SPTA1: variants seen among roughly 807,000 people sequenced by gnomAD.
The protein encoded by SPTA1 is spectrin alpha, erythrocytic 1, also known as spectrin alpha chain, erythrocytic 1.
A neutral mutation model predicts 324.7 loss-of-function variants in SPTA1; 177 were observed. The observed-to-expected ratio is 0.55, with a 90% CI of 0.48 to 0.62. The LOEUF (loss-of-function observed/expected upper bound fraction) is 0.62. SPTA1 is among the 20% of genes least tolerant of loss of function. SPTA1 has a pLI of 0.00. For missense variants in SPTA1, 3,162 were observed against 2,883.6 expected (o/e 1.10, Z -2.21); for synonymous variants, 1,195 against 1,041.3 (o/e 1.15, Z -2.84).
chr1:158,636,156 T>C lies in SPTA1; in HGVS notation c.5311-122A>G, dbSNP rs1651054558. On this transcript the variant is annotated intron_variant, in intron 37 of 51. Transcript: ENST00000643759. ...GATTATTTATAAACTCCACGGGACT[T>C]TGTGAGGGTCCTGAAAGTCCAGGGA... The C allele has an allele frequency of 3.9e-6, 6 of 1,538,654 alleles. No homozygotes were observed. In the South Asian group the frequency reaches 6.8e-5, roughly 17 times the overall value.
intron 24 of SPTA1, 122 bp downstream of exon 24, chr1:158,651,245 A>T (rs1652406729): frequency 1.3e-6 from 1 of 752,122 alleles, no homozygotes. Flanking sequence ...CTAATTCCAT[A>T]CTGCTGTTAC....
chr1:158,624,937 C>T (rs896960974), intron 42 of SPTA1, among the ~76,000 whole-genome samples: 4 of 152,212 alleles, frequency 2.6e-5, no homozygotes, highest in Admixed American at 2.6e-4. Flanking sequence ...AAAGGTGAGT[C>T]TTCAAAGAAA....
At chr1:158,632,506 G>A (rs1177679681) in intron 39 of SPTA1, among the ~76,000 whole-genome samples, 3 of 152,020 alleles carry the variant, frequency 2.0e-5, no homozygotes, top group Non-Finnish European at 2.9e-5. Context: ...AAAATAGAGA[G>A]ACATTTCACT....
At chr1:158,632,870 G>C (rs188840699) in intron 39 of SPTA1, among the ~76,000 whole-genome samples, 3 of 151,344 alleles carry the variant, frequency 2.0e-5, no homozygotes, top group Non-Finnish European at 1.5e-5. Flanking sequence ...ATTAAAATCT[G>C]TGCATGAATA....
chr1:158,617,443 C>T (rs1195538265), intron 47 of SPTA1, 94 bp downstream of exon 47: 20 of 998,858 alleles, frequency 2.0e-5, no homozygotes, highest in Non-Finnish European at 2.7e-5. Context: ...GTGATACATA[C>T]CTAAAAGTAT....
At chr1:158,638,007 C>T (rs763370347) in intron 36 of SPTA1, 26 bp downstream of exon 36, 2 of 1,610,754 alleles carry the variant, frequency 1.2e-6, no homozygotes. Flanking sequence ...GTATTATCCA[C>T]ACATTTTTGA....
intron 16 of SPTA1, among the ~76,000 whole-genome samples, chr1:158,664,246 G>A (rs59907488): frequency 6.6e-6 from 1 of 152,062 alleles, no homozygotes; most frequent in Admixed American, 6.6e-5. Flanking sequence ...TACTGTAGCA[G>A]TATTTACAAT....
At chr1:158,667,240 G>A (rs372948250) in intron 15 of SPTA1, among the ~76,000 whole-genome samples, 2 of 152,108 alleles carry the variant, frequency 1.3e-5, no homozygotes, top group African/African-American at 2.4e-5. Flanking sequence ...ATAACAAGGG[G>A]CACATGAATA....
rs1651418242 is a variant in SPTA1, at chr1:158,639,973, T to G, written c.4772A>C (p.His1591Pro). The change falls in exon 34 of 52, where the codon CAT (histidine) becomes CCT (proline). Residue 1591 changes from histidine (H) to proline (P), a missense_variant. His to Pro is a moderately conservative substitution (Grantham distance 77). Transcript: ENST00000643759. ...QLEQLKEHWD[H>P]LLERTNDKGK... is the part of the protein sequence containing the mutation. ...TTTGTCATTTGTTCTCTCAAGCAGATGATCCCAATGTTCCTTCAGCTGTTC... is the reference window on the plus strand; with the variant it reads ...TTTGTCATTTGTTCTCTCAAGCAGAGGATCCCAATGTTCCTTCAGCTGTTC... 13 of 1,613,954 alleles carry G rather than the reference T, an allele frequency of 8.1e-6. No homozygotes were observed. The highest frequency in any genetic ancestry group is 1.0e-5 in the Non-Finnish European group (12 of 1,179,906).
rs1651942755 is a variant in SPTA1 at position 158,645,614 on chromosome 1, G to A, written c.3897-20C>T. On this transcript the variant is annotated intron_variant, in intron 27 of 51. Coordinates refer to ENST00000643759, the MANE Select transcript of SPTA1 (RefSeq NM_003126.4). ...AGATCCCTAGATAAACAGACACATT[G>A]GAATTGACAAGAAAACCTTGCAACT... 6.2e-7 allele frequency: 1 copy of A among 1,613,204 alleles called. No homozygotes were observed. The highest frequency in any genetic ancestry group is 1.1e-5 in the South Asian group (1 of 91,068).
At chr1:158,656,238 G>A (rs896596112) in intron 20 of SPTA1, among the ~76,000 whole-genome samples, 1 of 151,806 alleles carries the variant, frequency 6.6e-6, no homozygotes, top group African/African-American at 2.4e-5. Flanking sequence ...ACAAAAGAAG[G>A]GAGTAAAGAA....
In SPTA1 at chr1:158,677,796, T is replaced by A; in HGVS notation, c.851A>T (p.Glu284Val). ...TEAIQWIKEK[E>V]PVLTSEDYGK... ...ATAGTCCTCAGAGGTGAGTACAGGT[T>A]CCTTCTCCTTGATCCACTGGATGGC... The change falls in exon 7 of 52, where the codon GAA becomes GTA. Residue 284 changes from glutamate to valine, a missense_variant. By Grantham distance (121) the Glu-to-Val change is moderately radical. Transcript: ENST00000643759. The A allele has an allele frequency of 1.2e-6, 2 of 1,613,684 alleles. No homozygotes were observed. The highest frequency in any genetic ancestry group is 1.7e-6 in the Non-Finnish European group (2 of 1,179,732).
At chr1:158,676,000 C>A in intron 8 of SPTA1, 141 bp downstream of exon 8, 1 of 1,118,072 alleles carries the variant, frequency 8.9e-7, no homozygotes, top group Admixed American at 2.3e-5. Context: ...CCTTTGGCAA[C>A]TTAAATATTT....
chr1:158,616,991 T>G (rs1011899252), intron 47 of SPTA1, among the ~76,000 whole-genome samples: 3 of 152,048 alleles, frequency 2.0e-5, no homozygotes, highest in African/African-American at 7.2e-5. Flanking sequence ...ATTTTTTTGT[T>G]AGAAAAAAAT....
intron 15 of SPTA1, among the ~76,000 whole-genome samples, chr1:158,666,784 T>C (rs898418464): frequency 2.0e-5 from 3 of 152,202 alleles, no homozygotes; most frequent in Non-Finnish European, 4.4e-5. Context: ...GGGTGTTTCC[T>C]TATGTGATTT....
chr1:158,680,106 G>A (rs1373163441), intron 5 of SPTA1, among the ~76,000 whole-genome samples: 1 of 151,948 alleles, frequency 6.6e-6, no homozygotes, highest in Non-Finnish European at 1.5e-5. Flanking sequence ...GTAAATAAAA[G>A]TAAAACCGCT....
intron 17 of SPTA1, among the ~76,000 whole-genome samples, chr1:158,662,220 C>A (rs1330224813): frequency 6.6e-6 from 1 of 152,130 alleles, no homozygotes; most frequent in Non-Finnish European, 1.5e-5. Context: ...TTGTGTACAC[C>A]TTTTTCTCTG....
Position 158,627,738 on chromosome 1 carries a change from C to T in SPTA1, c.5566-15G>A, listed in dbSNP as rs1357558851. 1.1e-5 allele frequency: 18 copies of T among 1,608,552 alleles called. No individual in the cohort carries two copies. The highest frequency in any genetic ancestry group is 4.0e-5 in the African/African-American group (3 of 74,876). Reference sequence around the variant, plus strand: ...ATTAGCAAGCTCTGCATAAATAAGTCGGTGAGAATTAAGATATCCAAAGCC... The same window carrying T: ...ATTAGCAAGCTCTGCATAAATAAGTTGGTGAGAATTAAGATATCCAAAGCC... On this transcript the variant is annotated splice_polypyrimidine_tract_variant and intron_variant, in intron 39 of 51. Transcript: ENST00000643759.
chr1:158,629,181 ATATATCTCTATC>A (rs1193188564), intron 39 of SPTA1, among the ~76,000 whole-genome samples: 12 of 102,170 alleles, frequency 1.2e-4, no homozygotes, highest in South Asian at 3.9e-4. Context: ...GAGAGACAAA[ATATATCTCTATC>A]TATCTATCTA....
Sources: gnomAD v4.1 joint callset for allele counts (sites outside exome capture counted in the v4.1 genomes callset) on GRCh38, gnomAD v4.1.1 for gene constraint, MANE v1.5 for transcripts, NCBI Gene and HGNC (gene_info 2026-07-23, HGNC 2026-07-21) for gene names.